KCNMA1: variants seen among roughly 807,000 people sequenced by gnomAD.
KCNMA1 encodes Calcium-activated potassium channel subunit alpha-1.
Under a neutral mutation model 140.0 loss-of-function variants are expected in KCNMA1, and 29 were observed. The observed-to-expected ratio is 0.21, with a 90% CI of 0.15 to 0.28. KCNMA1 has a LOEUF of 0.28. Among genes scored for constraint, KCNMA1 ranks in the 10% least tolerant of loss-of-function variants. The pLI, the probability that KCNMA1 is intolerant of heterozygous loss-of-function variation, is 1.00. For missense variants in KCNMA1, 880 were observed against 1,602.2 expected (o/e 0.55, Z 7.70); for synonymous variants, 612 against 611.9 (o/e 1.00, Z 0.00).
intron 16 of KCNMA1, among the ~76,000 whole-genome samples, chr10:77,025,281 T>TATACAC (rs1394239548): frequency 8.2e-6 from 1 of 122,332 alleles, no homozygotes; most frequent in African/African-American, 2.9e-5. Context: ...TATATATATA[T>TATACAC]ACACACACAC....
At chr10:77,125,604 C>T (rs1039795955) in intron 5 of KCNMA1, among the ~76,000 whole-genome samples, 2 of 152,208 alleles carry the variant, frequency 1.3e-5, no homozygotes, top group Non-Finnish European at 2.9e-5. Context: ...TATCCTCTTT[C>T]CTGCTTCACT....
chr10:77,268,699 G>A (rs1048839399), intron 2 of KCNMA1, among the ~76,000 whole-genome samples: 2 of 152,222 alleles, frequency 1.3e-5, no homozygotes, highest in Non-Finnish European at 2.9e-5. Context: ...CATGGGGTTC[G>A]AATGTGTCAT....
intron 2 of KCNMA1, among the ~76,000 whole-genome samples, chr10:77,320,347 AAGTCCCCCAAACTTTCATGC>A (rs2082016730): frequency 6.6e-6 from 1 of 152,210 alleles, no homozygotes; most frequent in South Asian, 2.1e-4. Context: ...GAAGAAAGTG[AAGTCCCCCAAACTTTCATGC>A]AGGTTTCTCT....
At chr10:76,917,238 C>T (rs2053320790) in intron 23 of KCNMA1, among the ~76,000 whole-genome samples, 1 of 152,178 alleles carries the variant, frequency 6.6e-6, no homozygotes, top group Admixed American at 6.6e-5. Flanking sequence ...CAAGTAAACA[C>T]CTTAAATCGG....
chr10:77,586,318 T>A (rs1295926309), intron 1 of KCNMA1: 1 of 152,246 alleles, frequency 6.6e-6, no homozygotes, highest in Non-Finnish European at 1.5e-5. Context: ...TTCTAGCACC[T>A]GGATGCAGAC....
At chr10:77,228,685 C>T (rs1325939128) in intron 3 of KCNMA1, among the ~76,000 whole-genome samples, 1 of 152,312 alleles carries the variant, frequency 6.6e-6, no homozygotes, top group South Asian at 2.1e-4. Flanking sequence ...GTCTTCTTGG[C>T]CTACCATGCT....
chr10:77,295,190 A>G (rs768672766), intron 2 of KCNMA1, among the ~76,000 whole-genome samples: 1 of 151,892 alleles, frequency 6.6e-6, no homozygotes, highest in Non-Finnish European at 1.5e-5. Flanking sequence ...TCTACTAAAA[A>G]TACAAAAATT....
chr10:77,216,350 A>G (rs889656221), intron 3 of KCNMA1, among the ~76,000 whole-genome samples: 4 of 152,226 alleles, frequency 2.6e-5, no homozygotes, highest in African/African-American at 9.6e-5. Context: ...ATATTTCAAT[A>G]AAACTATGAA....
intron 3 of KCNMA1, among the ~76,000 whole-genome samples, chr10:77,241,228 C>A (rs2057184005): frequency 6.6e-6 from 1 of 152,202 alleles, no homozygotes; most frequent in African/African-American, 2.4e-5. Flanking sequence ...AAGTCAATTT[C>A]TCCAGCAGGC....
chr10:77,009,002 T>TCA (rs1302125102), intron 18 of KCNMA1, among the ~76,000 whole-genome samples: 2 of 152,210 alleles, frequency 1.3e-5, no homozygotes, highest in Non-Finnish European at 2.9e-5. Context: ...CCCCCTCACC[T>TCA]CACACACACA....
chr10:77,270,008 G>A (rs1464139), intron 2 of KCNMA1, among the ~76,000 whole-genome samples: 28,165 of 152,148 alleles, frequency 0.19, 2,994 homozygotes, highest in Admixed American at 0.25. Context: ...AGTTGCTTTG[G>A]CAGGCTGTTC....
intron 1 of KCNMA1, among the ~76,000 whole-genome samples, chr10:77,599,548 T>C (rs2081989543): frequency 6.6e-6 from 1 of 152,134 alleles, no homozygotes; most frequent in South Asian, 2.1e-4. Flanking sequence ...CCTGAAGGGA[T>C]TGCATCTCAT....
At chr10:76,943,343 T>C (rs533232568) in intron 23 of KCNMA1, among the ~76,000 whole-genome samples, 5 of 152,072 alleles carry the variant, frequency 3.3e-5, no homozygotes, top group African/African-American at 1.2e-4. Flanking sequence ...GACGGTGGCA[T>C]GGAGAGGTCA....
At chr10:77,590,878 A>C (rs2078932049) in intron 1 of KCNMA1, among the ~76,000 whole-genome samples, 1 of 152,260 alleles carries the variant, frequency 6.6e-6, no homozygotes, top group South Asian at 2.1e-4. Flanking sequence ...AGCGAGACTC[A>C]AATGTTCTTC....
chr10:77,208,559 A>C (rs985188056), intron 3 of KCNMA1, among the ~76,000 whole-genome samples: 2 of 152,248 alleles, frequency 1.3e-5, no homozygotes, highest in African/African-American at 4.8e-5. Flanking sequence ...CAGCAAAAAA[A>C]TCAAATGCAA....
intron 20 of KCNMA1, among the ~76,000 whole-genome samples, chr10:76,958,743 C>T (rs1591960515): frequency 6.6e-6 from 1 of 152,204 alleles, no homozygotes; most frequent in South Asian, 2.1e-4. Context: ...ACAGATCCTT[C>T]CCTCAGTACC....
chr10:77,525,782 T>A (rs1212265280), intron 1 of KCNMA1, among the ~76,000 whole-genome samples: 1 of 152,208 alleles, frequency 6.6e-6, no homozygotes, highest in African/African-American at 2.4e-5. Flanking sequence ...GTCACCCTCC[T>A]CCTCGTTACT....
At chr10:77,096,979 C>T (rs1388297216) in intron 9 of KCNMA1, among the ~76,000 whole-genome samples, 1 of 152,130 alleles carries the variant, frequency 6.6e-6, no homozygotes, top group South Asian at 2.1e-4. Flanking sequence ...ATACAGGAAG[C>T]AGGGCGTGGG....
At position 77,108,447 on chromosome 10, in the gene KCNMA1, C is replaced by T. The variant is rs1256875223; in HGVS notation, c.1223+34G>A. On this transcript the variant is annotated intron_variant, in intron 9 of 27. Coordinates refer to ENST00000286628, the MANE Select transcript of KCNMA1 (RefSeq NM_001161352.2). The surrounding 1 kb of genome is among the most constrained non-coding windows in gnomAD (Gnocchi z 4.6). ...ATGGCATGCAGAGAGGATTCTACCGCAGCAGAGGCAGCAAAACCTCTTGGC... is the reference window on the plus strand; with the variant it reads ...ATGGCATGCAGAGAGGATTCTACCGTAGCAGAGGCAGCAAAACCTCTTGGC... 17 of 1,606,798 alleles carry T rather than the reference C, an allele frequency of 1.1e-5. No homozygotes were observed. The highest frequency in any genetic ancestry group is 1.4e-5 in the Non-Finnish European group (17 of 1,174,082).
Sources: allele counts gnomAD v4.1 joint callset (sites outside exome capture counted in the v4.1 genomes callset), GRCh38; gene constraint gnomAD v4.1.1; non-coding constraint Gnocchi (gnomAD v3.1); transcripts MANE v1.5; gene names NCBI Gene and HGNC (gene_info 2026-07-23, HGNC 2026-07-21).